Variants in APBB1IP observed in about 807,000 individuals in gnomAD.
APBB1IP encodes amyloid beta A4 precursor protein-binding family B member 1-interacting protein.
A neutral mutation model predicts 64.9 loss-of-function variants in APBB1IP; 27 were observed. The ratio of observed to expected loss-of-function variants is 0.42; its 90% CI spans 0.31 to 0.57. The LOEUF is 0.57. APBB1IP is among the 20% of genes least tolerant of loss of function. APBB1IP has a pLI of 0.20. For synonymous variants in APBB1IP, 392 were observed against 331.0 expected, an observed-to-expected ratio of 1.18 and a Z score of -2.00; for missense variants, 812 against 845.5, an observed-to-expected ratio of 0.96 and a Z score of 0.49.
rs1836263381 is a variant in APBB1IP at position 26,511,773 on chromosome 10, T to C, written c.558T>C (p.Asp186=). 1.9e-6 allele frequency: 3 copies of C among 1,614,210 alleles called. No homozygotes were observed. Among genetic ancestry groups the C allele is most frequent in the East Asian group, 2.2e-5 (1 of 44,886 alleles). ...TCGTCGTCAAGGTGCACATGAATGA[T>C]AACAGCACAAAGTCACTGATGGTGG... ...KKLVVKVHMN[D]NSTKSLMVDE... is the part of the protein sequence containing the mutation. Residue 186 remains aspartate (D), a synonymous_variant, in exon 7 of 15, where the codon GAT becomes GAC. Coordinates refer to ENST00000376236, the MANE Select transcript of APBB1IP (RefSeq NM_019043.4).
intron 2 of APBB1IP, among the ~76,000 whole-genome samples, chr10:26,465,179 G>GA (rs1340368811): frequency 2.0e-5 from 3 of 152,148 alleles, no homozygotes; most frequent in Non-Finnish European, 2.9e-5. Context: ...TTCCATATAT[G>GA]AAAAAACTAC....
rs1470403077 is a variant in APBB1IP, at chr10:26,496,273, A to G, written c.73-31A>G. ...TGCTACAGAAATGTTTGTATCATGA[A>G]TAACTTTGATGGGGGGATCTTTTTT... On this transcript the variant is annotated intron_variant, in intron 3 of 14. Transcript: ENST00000376236. 3.9e-6 allele frequency: 6 copies of G among 1,527,946 alleles called. No individual in the cohort carries two copies. The African/African-American group carries it at 5.5e-5, about 14-fold the overall frequency. The allele number at this position is 1,527,946 out of a possible 1,614,324, so 94.6% of individuals were successfully genotyped here.
At chr10:26,481,675 A>T (rs1374473126) in intron 2 of APBB1IP, among the ~76,000 whole-genome samples, 3 of 151,876 alleles carry the variant, frequency 2.0e-5, no homozygotes, top group Non-Finnish European at 4.4e-5. Flanking sequence ...GGGGATAGAG[A>T]TGGGGTCTTG....
At chr10:26,489,743 G>A (rs1476491608) in intron 2 of APBB1IP, among the ~76,000 whole-genome samples, 1 of 152,198 alleles carries the variant, frequency 6.6e-6, no homozygotes, top group African/African-American at 2.4e-5. Context: ...AAAATCATTT[G>A]GCTGGGTGTG....
chr10:26,546,754 G>A (rs367928205), intron 11 of APBB1IP, among the ~76,000 whole-genome samples: 6 of 152,210 alleles, frequency 3.9e-5, no homozygotes, highest in African/African-American at 1.4e-4. Flanking sequence ...CCACATATGA[G>A]TGGAATCTAA....
In APBB1IP at chr10:26,567,055, G is replaced by A. The variant is rs753322088; in HGVS notation, c.1568G>A (p.Arg523Gln). 53 of 1,509,718 alleles carry A rather than the reference G, an allele frequency of 3.5e-5. No individual in the cohort carries two copies. Among genetic ancestry groups the A allele is most frequent in the Non-Finnish European group, 4.5e-5 (51 of 1,144,504 alleles). The allele number at this position is 1,509,718 out of a possible 1,614,324, so 93.5% of individuals were successfully genotyped here. ...KSSLPPPPPV[R>Q]RSSDTSGSPA... ...AGCCTGCCCCCGCCCCCTCCGGTGC[G>A]GAGGTCCTCCGACACCAGCGGCAGT... The change falls in exon 15 of 15, where the codon CGG becomes CAG. Residue 523 changes from arginine to glutamine, a missense_variant. Transcript: ENST00000376236.
chr10:26,511,673 ACTTTGAAACCCTCAT>A, intron 6 of APBB1IP, 59 bp from the exon 7 acceptor site: 1 of 1,557,496 alleles, frequency 6.4e-7, no homozygotes, highest in South Asian at 1.2e-5. Context: ...AACAATAGCA[ACTTTGAAACCCTCAT>A]CTTAGTAGCC....
chr10:26,555,719 A>G (rs1836886887), intron 11 of APBB1IP, among the ~76,000 whole-genome samples: 1 of 152,120 alleles, frequency 6.6e-6, no homozygotes, highest in Non-Finnish European at 1.5e-5. Flanking sequence ...CCACTTCAGC[A>G]TCTCTAGTAG....
intron 4 of APBB1IP, among the ~76,000 whole-genome samples, chr10:26,498,057 G>C (rs1836049893): frequency 6.6e-6 from 1 of 152,052 alleles, no homozygotes; most frequent in Admixed American, 6.6e-5. Flanking sequence ...ATTTCTAGTA[G>C]TTTTGTAGTA....
At chr10:26,492,026 T>A (rs1451480484) in intron 2 of APBB1IP, among the ~76,000 whole-genome samples, 1 of 152,180 alleles carries the variant, frequency 6.6e-6, no homozygotes, top group African/African-American at 2.4e-5. Context: ...CTTCCCCTAG[T>A]GCTGGGATTA....
intron 2 of APBB1IP, among the ~76,000 whole-genome samples, chr10:26,455,691 CT>C (rs144857853): frequency 1.3e-5 from 2 of 150,594 alleles, no homozygotes; most frequent in Non-Finnish European, 3.0e-5. Flanking sequence ...TGGGGGATTT[CT>C]TTTTTTTTGG....
chr10:26,567,737 CTG>C lies in APBB1IP; in HGVS notation c.*251_*252del. The C allele has an allele frequency of 1.2e-6, 1 of 802,192 alleles. No individual in the cohort carries two copies. Among genetic ancestry groups the C allele is most frequent in the Non-Finnish European group, 1.7e-6 (1 of 597,986 alleles). The allele number at this position is 802,192 out of a possible 1,614,324, so 49.7% of individuals were successfully genotyped here. ...CTTCCCTTCCAAGCTGCCTAAAGCG[CTG>C]TTTTAGGTTCATTTATTTTATTATG... On this transcript the variant is annotated 3_prime_UTR_variant, in exon 15 of 15. Transcript: ENST00000376236.
chr10:26,504,061 C>T (rs561653663), intron 6 of APBB1IP, among the ~76,000 whole-genome samples: 2 of 152,142 alleles, frequency 1.3e-5, no homozygotes, highest in African/African-American at 4.8e-5. Flanking sequence ...CAGGTGGCGC[C>T]ACCTTTGGGG....
intron 2 of APBB1IP, among the ~76,000 whole-genome samples, chr10:26,467,073 TG>T (rs995421863): frequency 1.2e-4 from 19 of 152,140 alleles, no homozygotes; most frequent in Middle Eastern, 3.2e-3. Flanking sequence ...TCATTTGTAA[TG>T]TTTTTTTTTA....
chr10:26,475,589 A>C (rs957157081), intron 2 of APBB1IP, among the ~76,000 whole-genome samples: 1 of 152,124 alleles, frequency 6.6e-6, no homozygotes, highest in Non-Finnish European at 1.5e-5. Context: ...AAGAGATCAG[A>C]CTTGCGTTTA....
intron 8 of APBB1IP, among the ~76,000 whole-genome samples, chr10:26,524,306 A>G (rs1177813282): frequency 6.6e-6 from 1 of 152,148 alleles, no homozygotes; most frequent in African/African-American, 2.4e-5. Context: ...AGACACAGAA[A>G]CAAATCAAAA....
chr10:26,500,981 C>G lies in APBB1IP; in HGVS notation c.323C>G (p.Ala108Gly), dbSNP rs971514523. 6.2e-7 allele frequency: 1 copy of G among 1,614,166 alleles called. No homozygotes were observed. The highest frequency in any genetic ancestry group is 8.5e-7 in the Non-Finnish European group (1 of 1,180,036). ...CAAGCATCAATTTTCAGTGGTGCAGCCTCTCTTGGTTATGGAACAAATGTT... is the reference window on the plus strand; with the variant it reads ...CAAGCATCAATTTTCAGTGGTGCAGGCTCTCTTGGTTATGGAACAAATGTT... The part of the protein sequence containing the change: ...SLQASIFSGA[A>G]SLGYGTNVAA... The change falls in exon 5 of 15, where the codon GCC (alanine) becomes GGC (glycine). Residue 108 changes from alanine to glycine, a missense_variant. Transcript: ENST00000376236.
chr10:26,567,424 G>A lies in APBB1IP; in HGVS notation c.1937G>A (p.Gly646Glu), dbSNP rs1450548866. 1 of 1,607,552 alleles carries A rather than the reference G, an allele frequency of 6.2e-7. No individual in the cohort carries two copies. Among genetic ancestry groups the A allele is most frequent in the South Asian group, 1.1e-5 (1 of 90,864 alleles). Residue 646 changes from glycine (G) to glutamate (E), a missense_variant, in exon 15 of 15, where the codon GGG (glycine) becomes GAG (glutamate). Physicochemically the swap from Gly to Glu is moderately conservative, Grantham distance 98. Around this residue, in one of 3 missense-constraint regions of APBB1IP, gnomAD observed 381 missense variants for 352.1 expected, o/e 1.08. Transcript: ENST00000376236. ...NPGHPGGAGG[G>E]EQDFMSDLMK... The stretch of plus-strand genomic sequence containing the variant: ...GGGCACCCCGGCGGAGCAGGAGGCG[G>A]GGAGCAAGATTTCATGTCAGACCTC...
At chr10:26,461,472 C>A (rs1043782393) in intron 2 of APBB1IP, among the ~76,000 whole-genome samples, 3 of 152,004 alleles carry the variant, frequency 2.0e-5, no homozygotes, top group Non-Finnish European at 2.9e-5. Flanking sequence ...TTATGTAAAT[C>A]CTGAAGTGCC....
Sources: gnomAD v4.1 joint callset for allele counts (sites outside exome capture counted in the v4.1 genomes callset) on GRCh38, gnomAD v4.1.1 for gene constraint, gnomAD v4.1.1 regional missense constraint, MANE v1.5 for transcripts, NCBI Gene and HGNC (gene_info 2026-07-23, HGNC 2026-07-21) for gene names.